VPS13B: variants seen among roughly 807,000 people sequenced by gnomAD.
The protein encoded by VPS13B is vacuolar protein sorting 13 homolog B, also known as intermembrane lipid transfer protein VPS13B.
A neutral mutation model predicts 426.4 loss-of-function variants in VPS13B; 285 were observed. The observed-to-expected ratio is 0.67, with a 90% confidence interval of 0.61 to 0.74. VPS13B has a LOEUF of 0.74. VPS13B is among the 30% of genes least tolerant of loss of function. The probability of loss-of-function intolerance (pLI) is 0.00; values close to 1 mark genes in which losing one functional copy is unlikely to be tolerated. For missense variants in VPS13B, 4,537 were observed against 4,782.6 expected (o/e 0.95, Z 1.51); for synonymous variants, 1,676 against 1,676.4 (o/e 1.00, Z 0.01).
intron 24 of VPS13B, among the ~76,000 whole-genome samples, 165 bp downstream of exon 24, chr8:99,467,799 C>CTTG (rs1563746640): frequency 1.3e-5 from 2 of 152,266 alleles, no homozygotes; most frequent in African/African-American, 4.8e-5. Context: ...GAAGCTCTCT[C>CTTG]AAGTTGTGTA....
chr8:99,467,055 T>C (rs143164831), intron 23 of VPS13B, among the ~76,000 whole-genome samples: 212 of 152,248 alleles, frequency 1.4e-3, no homozygotes, highest in African/African-American at 5.0e-3. Context: ...AATCAAGGTA[T>C]CAGATCACAT....
intron 8 of VPS13B, among the ~76,000 whole-genome samples, chr8:99,128,435 T>TTTC (rs1389009220): frequency 6.6e-4 from 98 of 147,464 alleles, no homozygotes; most frequent in Non-Finnish European, 1.1e-3. Context: ...AAATTTGTTG[T>TTTC]TTCTTCAGCA....
chr8:99,582,411 A>G (rs1451012887), intron 33 of VPS13B, among the ~76,000 whole-genome samples: 1 of 152,142 alleles, frequency 6.6e-6, no homozygotes, highest in Non-Finnish European at 1.5e-5. Context: ...GGCCTATCAT[A>G]TCTTGATTCC....
intron 16 of VPS13B, among the ~76,000 whole-genome samples, chr8:99,180,708 T>C (rs1196758354): frequency 6.6e-6 from 1 of 152,066 alleles, no homozygotes; most frequent in Non-Finnish European, 1.5e-5. Context: ...GAAATAGATA[T>C]AGTTCATATG....
intron 2 of VPS13B, among the ~76,000 whole-genome samples, chr8:99,016,615 G>A (rs561013304): frequency 3.5e-4 from 43 of 124,000 alleles, no homozygotes; most frequent in Admixed American, 1.7e-3. Flanking sequence ...TTTTTGAGAC[G>A]GAGTCTCGCT....
intron 51 of VPS13B, among the ~76,000 whole-genome samples, chr8:99,825,027 G>T (rs552922964): frequency 1.7e-4 from 26 of 152,284 alleles, no homozygotes; most frequent in African/African-American, 6.0e-4. Context: ...AAATAGTGCT[G>T]CAATAAACAT....
intron 17 of VPS13B, among the ~76,000 whole-genome samples, chr8:99,265,808 A>G (rs145516759): frequency 1.5e-4 from 23 of 152,264 alleles, no homozygotes; most frequent in African/African-American, 5.5e-4. Context: ...TTAATTACCC[A>G]CAGGCACTTT....
intron 49 of VPS13B, 92 bp downstream of exon 49, chr8:99,820,214 C>A: frequency 7.7e-7 from 1 of 1,290,344 alleles, no homozygotes; most frequent in Non-Finnish European, 1.1e-6. Context: ...CAGAATGAAT[C>A]AGTTGTGAAA....
intron 23 of VPS13B, among the ~76,000 whole-genome samples, chr8:99,458,306 C>T (rs1272492682): frequency 2.0e-5 from 3 of 152,096 alleles, no homozygotes; most frequent in Admixed American, 6.6e-5. Context: ...TTTTCTTAAT[C>T]CAGTCTATCG....
Position 99,819,515 on chromosome 8 carries a change from G to A in VPS13B, c.8725G>A (p.Asp2909Asn). Residue 2909 changes from aspartate to asparagine, a missense_variant, in exon 48 of 62, where the codon GAC becomes AAC. This residue lies in a region of VPS13B where 4,311 missense variants were observed against 4,474.3 expected (regional missense o/e 0.96). Transcript: ENST00000357162. Reference protein sequence around the residue: ...HPGGTVNQILDEFYGPEKSLQ... With the variant: ...HPGGTVNQILNEFYGPEKSLQ... ...TGGAGGCACAGTTAATCAGATCCTT[G>A]ACGAATTCTATGGGCCAGAAAAGTC... 1 of 1,613,840 alleles carries A rather than the reference G, an allele frequency of 6.2e-7. No homozygotes were observed. Among genetic ancestry groups the A allele is most frequent in the Non-Finnish European group, 8.5e-7 (1 of 1,179,882 alleles).
intron 39 of VPS13B, among the ~76,000 whole-genome samples, chr8:99,725,081 G>T (rs1428313928): frequency 6.6e-6 from 1 of 152,150 alleles, no homozygotes; most frequent in Non-Finnish European, 1.5e-5. Context: ...TGTAGTCAAT[G>T]AAGCCTTTCC....
chr8:99,143,646 A>C (rs185369315), intron 13 of VPS13B, among the ~76,000 whole-genome samples: 20 of 152,264 alleles, frequency 1.3e-4, no homozygotes, highest in African/African-American at 4.3e-4. Flanking sequence ...CAGTAAAGCA[A>C]CTCTAGAGTA....
At chr8:99,140,942 T>C (rs1260209985) in intron 12 of VPS13B, among the ~76,000 whole-genome samples, 1 of 152,114 alleles carries the variant, frequency 6.6e-6, no homozygotes, top group Non-Finnish European at 1.5e-5. Flanking sequence ...TAAATATTTG[T>C]TAATGTTGTA....
At chr8:99,311,175 T>C (rs1820952526) in intron 19 of VPS13B, among the ~76,000 whole-genome samples, 1 of 152,194 alleles carries the variant, frequency 6.6e-6, no homozygotes, top group Non-Finnish European at 1.5e-5. Flanking sequence ...TTCCTTCAGT[T>C]CTGCTCTGAT....
chr8:99,539,347 T>A (rs899469855), intron 30 of VPS13B, among the ~76,000 whole-genome samples: 1 of 152,206 alleles, frequency 6.6e-6, no homozygotes, highest in Non-Finnish European at 1.5e-5. Flanking sequence ...TGATGTATGA[T>A]TATAATTTTT....
chr8:99,098,605 C>T lies in VPS13B; in HGVS notation c.412+2173C>T, dbSNP rs559182819. 3.3e-5 allele frequency among the ~76,000 whole-genome samples: 5 copies of T among 152,132 alleles called. No individual in the cohort carries two copies. In the South Asian group the frequency reaches 8.3e-4, roughly 25 times the overall value. On this transcript the variant is annotated intron_variant, in intron 4 of 61. Coordinates refer to ENST00000357162, the MANE Select transcript of VPS13B (RefSeq NM_152564.5). ...ATATGTAGGTAAGTCTTTGCATACA[C>T]CTCTGCTTATATCTTTAGGAAAACT...
chr8:99,267,458 G>A (rs976361529), intron 17 of VPS13B, among the ~76,000 whole-genome samples: 35 of 152,110 alleles, frequency 2.3e-4, no homozygotes, highest in Admixed American at 1.2e-3. Context: ...GGCTGGACAC[G>A]ATGGCTCATG....
chr8:99,219,786 G>T (rs1428697990), intron 17 of VPS13B, among the ~76,000 whole-genome samples: 1 of 152,144 alleles, frequency 6.6e-6, no homozygotes. Flanking sequence ...TGTCACAATG[G>T]CAATTAAATT....
intron 21 of VPS13B, among the ~76,000 whole-genome samples, chr8:99,422,253 A>G (rs1161377063): frequency 6.6e-6 from 1 of 152,192 alleles, no homozygotes; most frequent in Non-Finnish European, 1.5e-5. Flanking sequence ...TTTGAACAAC[A>G]CTTTTAAGCC....
Sources: allele counts gnomAD v4.1 joint callset (sites outside exome capture counted in the v4.1 genomes callset), GRCh38; gene constraint gnomAD v4.1.1; regional missense constraint gnomAD v4.1.1; transcripts MANE v1.5; gene names NCBI Gene and HGNC (gene_info 2026-07-23, HGNC 2026-07-21).